PTPN12: variants seen among roughly 807,000 people sequenced by gnomAD.
The protein encoded by PTPN12 is tyrosine-protein phosphatase non-receptor type 12.
PTPN12 carries 29 observed loss-of-function variants against 97.6 expected under a neutral mutation model. The observed-to-expected ratio is 0.30, with a 90% CI of 0.22 to 0.41. The LOEUF (loss-of-function observed/expected upper bound fraction) is 0.41, where lower values mean the gene tolerates loss of function less well. PTPN12 is among the 10% of genes least tolerant of loss of function. PTPN12 has a pLI of 1.00. For missense variants in PTPN12, 819 were observed against 926.0 expected (o/e 0.88, Z 1.50); for synonymous variants, 327 against 300.4 (o/e 1.09, Z -0.91).
chr7:77,539,971 GC>G (rs1806875678), intron 1 of PTPN12, among the ~76,000 whole-genome samples: 1 of 152,112 alleles, frequency 6.6e-6, no homozygotes, highest in Non-Finnish European at 1.5e-5. Flanking sequence ...GAGCCACCAT[GC>G]CCGGCCTAAA....
chr7:77,595,986 G>C (rs949143411), intron 6 of PTPN12, among the ~76,000 whole-genome samples: 1 of 152,200 alleles, frequency 6.6e-6, no homozygotes, highest in South Asian at 2.1e-4. Context: ...TCCTTCTTCA[G>C]TTGCTATCCA....
In PTPN12 at chr7:77,604,077, A is replaced by G. The variant is rs1046345339; in HGVS notation, c.696-3158A>G. On this transcript the variant is annotated intron_variant, in intron 8 of 17. Coordinates refer to ENST00000248594, the MANE Select transcript of PTPN12 (RefSeq NM_002835.4). ...TAATTTTGGGTATTTTTTAGTAGAG[A>G]CGGGGTTTCACTATGTTGGCCAGAC... Among the ~76,000 whole-genome samples the G allele has an allele frequency of 8.0e-5, 12 of 149,398 alleles. No individual in the cohort carries two copies. In the Admixed American group the frequency reaches 8.1e-4, roughly 10 times the overall value.
intron 1 of PTPN12, 25 bp downstream of exon 1, chr7:77,537,670 G>A (rs769667955): frequency 1.9e-6 from 3 of 1,565,944 alleles, no homozygotes; most frequent in Admixed American, 3.7e-5. Flanking sequence ...TCGCTGTCGC[G>A]TTTTCTTGCC....
intron 1 of PTPN12, among the ~76,000 whole-genome samples, chr7:77,550,218 G>A (rs899840543): frequency 1.3e-5 from 2 of 152,060 alleles, no homozygotes; most frequent in Non-Finnish European, 2.9e-5. Flanking sequence ...GTGTGTTAAC[G>A]TGTGGGTAGT....
At chr7:77,564,744 G>GTTT (rs1329627463) in intron 1 of PTPN12, among the ~76,000 whole-genome samples, 19 of 34,356 alleles carry the variant, frequency 5.5e-4, no homozygotes, top group Non-Finnish European at 8.6e-4. Context: ...TTTTGTTGTC[G>GTTT]TGTTTTTTTT....
intron 1 of PTPN12, chr7:77,537,971 T>G (rs1584074042): frequency 2.0e-5 from 16 of 802,220 alleles, no homozygotes; most frequent in South Asian, 1.0e-4. Context: ...GCAAGTGAGG[T>G]GCAGGCCGGG....
intron 14 of PTPN12, among the ~76,000 whole-genome samples, chr7:77,633,500 T>G (rs1229662888): frequency 6.6e-6 from 1 of 151,512 alleles, no homozygotes. Context: ...TCCCAGCTGC[T>G]CGGGAGGCTG....
At chr7:77,635,926 A>G (rs1016192659) in intron 15 of PTPN12, 77 bp downstream of exon 15, 21 of 930,748 alleles carry the variant, frequency 2.3e-5, no homozygotes, top group Non-Finnish European at 3.4e-5. Context: ...AGTTGTTGAA[A>G]TAGCTGTCAT....
At chr7:77,596,144 A>G (rs1008334599) in intron 6 of PTPN12, among the ~76,000 whole-genome samples, 4 of 152,142 alleles carry the variant, frequency 2.6e-5, no homozygotes, top group African/African-American at 7.2e-5. Context: ...CAGATATTTT[A>G]TTGGGTGGTA....
chr7:77,538,886 G>A (rs1806811929), intron 1 of PTPN12: 1 of 152,194 alleles, frequency 6.6e-6, no homozygotes, highest in African/African-American at 2.4e-5. Flanking sequence ...ACTTTGGGAA[G>A]TGGTTGCTCC....
chr7:77,563,578 G>A (rs142190344), intron 1 of PTPN12, among the ~76,000 whole-genome samples: 8 of 152,244 alleles, frequency 5.3e-5, no homozygotes, highest in African/African-American at 1.9e-4. Flanking sequence ...AGACAATTAG[G>A]GGAATAAGTG....
chr7:77,635,998 A>G (rs748515281), intron 15 of PTPN12, 149 bp downstream of exon 15: 2 of 523,340 alleles, frequency 3.8e-6, no homozygotes, highest in South Asian at 4.4e-5. Flanking sequence ...AAGATTTCAG[A>G]TGAAAAGCCC....
chr7:77,589,252 TGA>T (rs1357310699), intron 5 of PTPN12, among the ~76,000 whole-genome samples: 3 of 152,206 alleles, frequency 2.0e-5, no homozygotes, highest in Non-Finnish European at 4.4e-5. Flanking sequence ...TCTTCAAAAC[TGA>T]GAGAAGATAA....
chr7:77,575,364 C>A (rs1226567081), intron 2 of PTPN12, among the ~76,000 whole-genome samples: 1 of 151,988 alleles, frequency 6.6e-6, no homozygotes, highest in Admixed American at 6.6e-5. Context: ...CTCTCTCTTT[C>A]TCTCTCTCGT....
intron 12 of PTPN12, among the ~76,000 whole-genome samples, chr7:77,625,472 G>GCTCGCTCTCTCTCTCTCTCTCT: frequency 1.5e-4 from 5 of 33,522 alleles, no homozygotes; most frequent in Non-Finnish European, 1.5e-4. Flanking sequence ...CAGGCTGCTC[G>GCTCGCTCTCTCTCTCTCTCTCT]CTCTCTCTCT....
intron 1 of PTPN12, chr7:77,538,135 C>T: frequency 1.0e-6 from 1 of 985,190 alleles, no homozygotes; most frequent in Non-Finnish European, 1.2e-6. Context: ...GATCCCTTTG[C>T]TCTAGCTGGT....
chr7:77,574,819 T>C (rs1787286786), intron 2 of PTPN12, among the ~76,000 whole-genome samples: 1 of 152,116 alleles, frequency 6.6e-6, no homozygotes, highest in Admixed American at 6.6e-5. Context: ...TTTCTAGTTA[T>C]TTTGACTTGG....
intron 6 of PTPN12, among the ~76,000 whole-genome samples, chr7:77,593,354 G>A (rs1319433526): frequency 6.6e-6 from 1 of 152,156 alleles, no homozygotes; most frequent in Non-Finnish European, 1.5e-5. Flanking sequence ...GTGTGTGCAT[G>A]CGTCTGTGTG....
chr7:77,607,085 CTG>C, intron 8 of PTPN12, 148 bp from the exon 9 acceptor site: 1 of 579,402 alleles, frequency 1.7e-6, no homozygotes. Context: ...CATGAACACA[CTG>C]TAAGTTGTAT....
Sources: gnomAD v4.1 joint callset for allele counts (sites outside exome capture counted in the v4.1 genomes callset) on GRCh38, gnomAD v4.1.1 for gene constraint, MANE v1.5 for transcripts, NCBI Gene and HGNC (gene_info 2026-07-23, HGNC 2026-07-21) for gene names.